Variants in ROR1 observed in about 807,000 individuals in gnomAD.
ROR1 encodes ROR family WNT receptor 1, also known as inactive tyrosine-protein kinase transmembrane receptor ROR1.
In ROR1, 19 loss-of-function variants were observed where a neutral mutation model predicts 78.8. The observed-to-expected ratio is 0.24, with a 90% confidence interval of 0.17 to 0.35. The LOEUF is 0.35. Ranked by LOEUF, ROR1 falls within the 10% of genes least tolerant of loss-of-function variation. ROR1 has a pLI of 1.00. For synonymous variants in ROR1, 386 were observed against 433.6 expected (o/e 0.89, Z 1.36); for missense variants, 917 against 1,177.8 (o/e 0.78, Z 3.24).
At chr1:64,093,207 G>A (rs1460191839) in intron 4 of ROR1, among the ~76,000 whole-genome samples, 2 of 152,140 alleles carry the variant, frequency 1.3e-5, no homozygotes, top group Admixed American at 6.6e-5. Context: ...AGCTGGATGA[G>A]TCTCTCTCTC....
chr1:63,952,591 G>A (rs978402838), intron 1 of ROR1, among the ~76,000 whole-genome samples: 6 of 152,186 alleles, frequency 3.9e-5, no homozygotes, highest in Non-Finnish European at 4.4e-5. Flanking sequence ...GACCAGTGCT[G>A]CCTGGAGCTG....
chr1:63,936,730 T>A (rs1157828325), intron 1 of ROR1, among the ~76,000 whole-genome samples: 1 of 152,190 alleles, frequency 6.6e-6, no homozygotes, highest in African/African-American at 2.4e-5. Flanking sequence ...GCAGGTGATG[T>A]TACCCTTCTG....
chr1:63,795,589 T>C (rs565679206), intron 1 of ROR1, among the ~76,000 whole-genome samples: 4 of 151,972 alleles, frequency 2.6e-5, no homozygotes, highest in Non-Finnish European at 4.4e-5. Flanking sequence ...ATCGTGAAAA[T>C]ACAGTTCCAA....
intron 1 of ROR1, among the ~76,000 whole-genome samples, chr1:63,820,736 T>C (rs190481352): frequency 3.5e-4 from 54 of 152,296 alleles, no homozygotes; most frequent in Non-Finnish European, 3.2e-4. Flanking sequence ...AGTGGTTGTG[T>C]AGTGATAGTG....
At chr1:63,988,692 A>G (rs570239069) in intron 1 of ROR1, among the ~76,000 whole-genome samples, 35 of 152,168 alleles carry the variant, frequency 2.3e-4, no homozygotes, top group African/African-American at 7.5e-4. Flanking sequence ...TTCTGTCCCT[A>G]TGATTTTGAC....
intron 1 of ROR1, among the ~76,000 whole-genome samples, chr1:63,852,874 A>G (rs1473785613): frequency 6.6e-6 from 1 of 152,168 alleles, no homozygotes; most frequent in Non-Finnish European, 1.5e-5. Flanking sequence ...AAAGTATGAT[A>G]CTCTTACATT....
chr1:64,050,744 AT>A (rs1391276265), intron 4 of ROR1, 28 bp downstream of exon 4: 1 of 1,609,966 alleles, frequency 6.2e-7, no homozygotes, highest in Admixed American at 1.7e-5. Flanking sequence ...CTTTCTTGTC[AT>A]TTCTAAGTGT....
intron 1 of ROR1, among the ~76,000 whole-genome samples, chr1:63,818,053 C>CCCTGT (rs1644902875): frequency 6.6e-6 from 1 of 152,078 alleles, no homozygotes; most frequent in Non-Finnish European, 1.5e-5. Context: ...CTGTGAGATA[C>CCCTGT]GTATTATTAT....
At chr1:64,170,771 C>T (rs1228325450) in intron 8 of ROR1, among the ~76,000 whole-genome samples, 6 of 152,232 alleles carry the variant, frequency 3.9e-5, no homozygotes, top group South Asian at 2.1e-4. Context: ...AAATTTCTTC[C>T]GCCAAATACC....
At chr1:63,961,028 G>T (rs1646023005) in intron 1 of ROR1, among the ~76,000 whole-genome samples, 2 of 152,280 alleles carry the variant, frequency 1.3e-5, no homozygotes, top group African/African-American at 4.8e-5. Flanking sequence ...GGCTGAACTA[G>T]CATTTTCTTT....
chr1:63,956,912 A>G (rs1295458959), intron 1 of ROR1, among the ~76,000 whole-genome samples: 1 of 152,192 alleles, frequency 6.6e-6, no homozygotes, highest in African/African-American at 2.4e-5. Context: ...TATGCTAAGA[A>G]AATGTAGCAT....
intron 8 of ROR1, among the ~76,000 whole-genome samples, chr1:64,166,170 T>TA (rs1284879250): frequency 1.3e-5 from 2 of 152,238 alleles, no homozygotes; most frequent in East Asian, 3.9e-4. Context: ...AAAGATCAGG[T>TA]AGTTGTAGGT....
intron 1 of ROR1, among the ~76,000 whole-genome samples, chr1:63,861,739 G>A (rs184935639): frequency 4.6e-4 from 70 of 152,252 alleles, no homozygotes; most frequent in African/African-American, 1.7e-3. Context: ...AATGGTACTC[G>A]TCAATGCAGT....
At chr1:64,155,603 G>C (rs1376516508) in intron 7 of ROR1, among the ~76,000 whole-genome samples, 1 of 152,146 alleles carries the variant, frequency 6.6e-6, no homozygotes, top group African/African-American at 2.4e-5. Flanking sequence ...CCAGACCCTC[G>C]TTTACAATAG....
intron 1 of ROR1, among the ~76,000 whole-genome samples, chr1:64,004,294 A>T (rs771658671): frequency 6.6e-5 from 10 of 152,262 alleles, no homozygotes; most frequent in Admixed American, 3.9e-4. Flanking sequence ...ACACAACAAT[A>T]TATAAAATAG....
chr1:63,899,637 A>G (rs936453891), intron 1 of ROR1, among the ~76,000 whole-genome samples: 3 of 152,196 alleles, frequency 2.0e-5, no homozygotes, highest in South Asian at 2.1e-4. Flanking sequence ...GCACTCAGGC[A>G]TATAGGTTAC....
chr1:63,962,199 GC>G (rs1318341689), intron 1 of ROR1, among the ~76,000 whole-genome samples: 6 of 152,176 alleles, frequency 3.9e-5, no homozygotes. Context: ...GGCAGAGGTT[GC>G]TGTGAGCTGA....
In ROR1 at chr1:63,811,887, C is replaced by T. The variant is rs905682573; in HGVS notation, c.91+37379C>T. Among the ~76,000 whole-genome samples, 40 of 150,924 alleles carry T rather than the reference C, an allele frequency of 2.7e-4. 1 individual carries two copies. The highest frequency in any genetic ancestry group is 5.9e-5 in the Non-Finnish European group (4 of 67,904). On this transcript the variant is annotated intron_variant, in intron 1 of 8. Transcript: ENST00000371079. ...GAGAAGAGCTGCCTCACTTTGGGCT[C>T]TATGTCCTTAGGTCCAGGTTGGGAT...
chr1:64,008,220 G>T (rs1646445519), intron 1 of ROR1, among the ~76,000 whole-genome samples: 2 of 152,022 alleles, frequency 1.3e-5, no homozygotes. Context: ...ATGATATTTG[G>T]TTTTCTGCTT....
Sources: allele counts gnomAD v4.1 joint callset (sites outside exome capture counted in the v4.1 genomes callset), GRCh38; gene constraint gnomAD v4.1.1; transcripts MANE v1.5; gene names NCBI Gene and HGNC (gene_info 2026-07-23, HGNC 2026-07-21).